Variants in ATP6V1E1 observed in about 807,000 individuals in gnomAD.
ATP6V1E1 encodes ATPase H+ transporting V1 subunit E1, also known as V-type proton ATPase subunit E 1.
A neutral mutation model predicts 35.2 loss-of-function variants in ATP6V1E1; 21 were observed. The ratio of observed to expected loss-of-function variants is 0.60; its 90% confidence interval spans 0.42 to 0.86. ATP6V1E1 has a LOEUF of 0.86. Among genes scored for constraint, ATP6V1E1 ranks in the 40% least tolerant of loss-of-function variants. ATP6V1E1 has a pLI of 0.00. For missense variants in ATP6V1E1, 183 were observed against 272.6 expected (o/e 0.67, Z 2.32); for synonymous variants, 83 against 87.8 (o/e 0.95, Z 0.30).
intron 7 of ATP6V1E1, among the ~76,000 whole-genome samples, chr22:17,596,353 G>C (rs2057732224): frequency 6.6e-6 from 1 of 152,148 alleles, no homozygotes; most frequent in South Asian, 2.1e-4. Context: ...ACTGTGGCGA[G>C]GGCCTGGATT....
rs1323018265 is a variant in ATP6V1E1 at position 17,615,511 on chromosome 22, G to GTAGGCGCC, written c.100-2199_100-2192dup. Among the ~76,000 whole-genome samples, 31 of 151,452 alleles carry GTAGGCGCC rather than the reference G, an allele frequency of 2.0e-4. No homozygotes were observed. The Admixed American group carries it at 2.0e-3, about 10-fold the overall frequency. ...AAACACAAAAATTACCTGGGCCTGG[G>GTAGGCGCC]TAGGCGCCTGTAATCCCAGCTACCC... On this transcript the variant is annotated intron_variant, in intron 2 of 8. Transcript: ENST00000253413.
At chr22:17,609,369 G>C (rs867589277) in intron 4 of ATP6V1E1, among the ~76,000 whole-genome samples, 1 of 150,464 alleles carries the variant, frequency 6.6e-6, no homozygotes, top group Non-Finnish European at 1.5e-5. Flanking sequence ...CACATTGGCC[G>C]GGCTGGTCTC....
chr22:17,618,993 G>A (rs563940219), intron 2 of ATP6V1E1: 241 of 453,108 alleles, frequency 5.3e-4, no homozygotes, highest in South Asian at 3.6e-3. Flanking sequence ...AAGCGAGACT[G>A]TCTCAAAATG....
At chr22:17,625,824 T>C (rs765815503) in intron 1 of ATP6V1E1, among the ~76,000 whole-genome samples, 16 of 151,436 alleles carry the variant, frequency 1.1e-4, no homozygotes, top group Non-Finnish European at 7.4e-5. Flanking sequence ...GTCTTTTGCA[T>C]GACAAAATTC....
At chr22:17,628,570 C>T in intron 1 of ATP6V1E1, 33 bp downstream of exon 1, 9 of 1,613,902 alleles carry the variant, frequency 5.6e-6, no homozygotes, top group Non-Finnish European at 7.6e-6. Flanking sequence ...GGACTGCCGC[C>T]GCGGCTTCGT....
chr22:17,614,216 G>T (rs996448207), intron 2 of ATP6V1E1, among the ~76,000 whole-genome samples: 1 of 151,864 alleles, frequency 6.6e-6, no homozygotes, highest in Non-Finnish European at 1.5e-5. Flanking sequence ...CAGGCGTGGC[G>T]GCGCATGCCT....
intron 4 of ATP6V1E1, among the ~76,000 whole-genome samples, chr22:17,607,366 C>T (rs542752821): frequency 1.3e-5 from 2 of 152,146 alleles, no homozygotes; most frequent in South Asian, 2.1e-4. Context: ...CCATGTTTGC[C>T]AGGATGATCT....
chr22:17,599,260 T>C (rs1394005063), intron 6 of ATP6V1E1, among the ~76,000 whole-genome samples: 2 of 151,052 alleles, frequency 1.3e-5, no homozygotes, highest in Non-Finnish European at 1.5e-5. Flanking sequence ...TAAAATGGTA[T>C]GTGTATTTTA....
At chr22:17,612,576 C>A (rs549681058) in intron 4 of ATP6V1E1, 44 of 433,072 alleles carry the variant, frequency 1.0e-4, no homozygotes, top group African/African-American at 6.0e-4. Flanking sequence ...TACTACTGTG[C>A]GGTCCACCCA....
At chr22:17,602,374 T>G (rs1174304756) in intron 4 of ATP6V1E1, among the ~76,000 whole-genome samples, 1 of 142,438 alleles carries the variant, frequency 7.0e-6, no homozygotes, top group Non-Finnish European at 1.5e-5. Context: ...AAAAGAAAAC[T>G]CAAGGCTTTT....
At chr22:17,614,494 T>C (rs113253532) in intron 2 of ATP6V1E1, among the ~76,000 whole-genome samples, 16,991 of 137,398 alleles carry the variant, frequency 0.12, 1,168 homozygotes, top group African/African-American at 0.21. Flanking sequence ...CCATCTCTAC[T>C]AAAAATACAC....
intron 4 of ATP6V1E1, among the ~76,000 whole-genome samples, chr22:17,610,852 G>A (rs1391221264): frequency 6.6e-6 from 1 of 152,292 alleles, no homozygotes. Context: ...ACGGAGATGG[G>A]GTTGGAGAAA....
chr22:17,622,408 A>C (rs1315812929), intron 1 of ATP6V1E1, among the ~76,000 whole-genome samples: 1 of 152,178 alleles, frequency 6.6e-6, no homozygotes, highest in Non-Finnish European at 1.5e-5. Flanking sequence ...CAATCTGTAA[A>C]CAATCCCCAT....
chr22:17,615,310 T>C (rs7290256), intron 2 of ATP6V1E1, among the ~76,000 whole-genome samples: 6,777 of 152,058 alleles, frequency 0.045, 489 homozygotes, highest in African/African-American at 0.15. Flanking sequence ...AAAAAAAATA[T>C]TAATTTTTTT....
At position 17,592,303 on chromosome 22, in the gene ATP6V1E1, T is replaced by C. The variant is rs1190677943; in HGVS notation, c.*371A>G. On this transcript the variant is annotated 3_prime_UTR_variant, in exon 9 of 9. Coordinates refer to ENST00000253413, the MANE Select transcript of ATP6V1E1 (RefSeq NM_001696.4). ...CTGCTGGAAGGAGTGGTGTGCCACA[T>C]GCGCCTTAAGCCTCAAGAGTGGGGA... 1.4e-5 allele frequency: 3 copies of C among 217,882 alleles called. No homozygotes were observed. Among genetic ancestry groups the C allele is most frequent in the East Asian group, 2.1e-4 (2 of 9,736 alleles). The allele number at this position is 217,882 out of a possible 1,614,324, so 13.5% of individuals were successfully genotyped here.
intron 1 of ATP6V1E1, among the ~76,000 whole-genome samples, chr22:17,619,730 A>T (rs1377385639): frequency 2.0e-5 from 3 of 152,334 alleles, no homozygotes; most frequent in South Asian, 4.1e-4. Context: ...CTAAAAATTT[A>T]AAAAAGTCAA....
intron 2 of ATP6V1E1, among the ~76,000 whole-genome samples, chr22:17,614,732 G>A (rs2057833874): frequency 6.6e-6 from 1 of 151,578 alleles, no homozygotes; most frequent in Non-Finnish European, 1.5e-5. Context: ...ACTTTGGGAG[G>A]CAGAGGCAGG....
At chr22:17,627,833 G>GA (rs1480797184) in intron 1 of ATP6V1E1, among the ~76,000 whole-genome samples, 3 of 128,906 alleles carry the variant, frequency 2.3e-5, no homozygotes, top group African/African-American at 9.4e-5. Context: ...AAAAAAAAAA[G>GA]AAAAAAAGAA....
intron 4 of ATP6V1E1, among the ~76,000 whole-genome samples, chr22:17,610,095 C>T (rs1019041348): frequency 1.3e-5 from 2 of 151,350 alleles, no homozygotes; most frequent in African/African-American, 4.9e-5. Context: ...TGCATTCCAG[C>T]CTGGGCAACA....
Sources: gnomAD v4.1 joint callset for allele counts (sites outside exome capture counted in the v4.1 genomes callset) on GRCh38, gnomAD v4.1.1 for gene constraint, MANE v1.5 for transcripts, NCBI Gene and HGNC (gene_info 2026-07-23, HGNC 2026-07-21) for gene names.